Variants in ADARB2 observed in about 807,000 individuals in gnomAD.
ADARB2 encodes the protein inactive double-stranded RNA-specific editase B2.
Under a neutral mutation model 62.2 loss-of-function variants are expected in ADARB2, and 25 were observed. That is an observed-to-expected ratio of 0.40 (90% confidence interval 0.29 to 0.56). The LOEUF is 0.56. Among genes scored for constraint, ADARB2 ranks in the 20% least tolerant of loss-of-function variants. ADARB2 has a pLI of 0.43. For synonymous variants in ADARB2, 572 were observed against 500.8 expected (o/e 1.14, Z -1.90); for missense variants, 1,071 against 1,077.4 (o/e 0.99, Z 0.08).
chr10:1,717,098 G>A (rs980268262), intron 1 of ADARB2, among the ~76,000 whole-genome samples: 1 of 141,728 alleles, frequency 7.1e-6, no homozygotes, highest in Non-Finnish European at 1.5e-5. Context: ...TTCTGATCAC[G>A]TGTTTCACAA....
At chr10:1,219,445 C>T (rs1830661807) in intron 6 of ADARB2, among the ~76,000 whole-genome samples, 2 of 152,236 alleles carry the variant, frequency 1.3e-5, no homozygotes, top group Non-Finnish European at 2.9e-5. Flanking sequence ...AAGATCGCTG[C>T]ATTCTTTGGA....
intron 1 of ADARB2, among the ~76,000 whole-genome samples, chr10:1,676,858 G>C (rs927821513): frequency 1.3e-5 from 2 of 151,348 alleles, no homozygotes; most frequent in Non-Finnish European, 3.0e-5. Context: ...AGAGGATGGA[G>C]AGAAGGTGGG....
At chr10:1,289,427 G>A (rs1321785395) in intron 3 of ADARB2, among the ~76,000 whole-genome samples, 1 of 152,254 alleles carries the variant, frequency 6.6e-6, no homozygotes, top group Non-Finnish European at 1.5e-5. Flanking sequence ...AATTGGTTGA[G>A]GCTTGTCTCA....
chr10:1,393,102 C>G (rs1190806561), intron 1 of ADARB2, among the ~76,000 whole-genome samples: 1 of 152,178 alleles, frequency 6.6e-6, no homozygotes, highest in African/African-American at 2.4e-5. Flanking sequence ...TCATAGGGCT[C>G]AAAGCAGGGC....
rs565779516 is a variant in ADARB2 at position 1,360,734 on chromosome 10, G to A, written c.1077+2294C>T. ...GAGATGAATGGCCCGAAACCCTCGC[G>A]CTGCTCTGCGCCCTTCGTCATCCAG... On this transcript the variant is annotated intron_variant, in intron 3 of 9. Transcript: ENST00000381312. 8.5e-5 allele frequency among the ~76,000 whole-genome samples: 13 copies of A among 152,302 alleles called. No individual in the cohort carries two copies. In the South Asian group the frequency reaches 1.7e-3, roughly 19 times the overall value.
chr10:1,448,331 TG>T (rs1259259012), intron 1 of ADARB2, among the ~76,000 whole-genome samples: 6 of 152,328 alleles, frequency 3.9e-5, no homozygotes, highest in Middle Eastern at 3.4e-3. Context: ...AAATGTTAAG[TG>T]TCTACTCCAA....
At chr10:1,624,473 C>T (rs970698799) in intron 1 of ADARB2, among the ~76,000 whole-genome samples, 5 of 152,158 alleles carry the variant, frequency 3.3e-5, no homozygotes, top group Non-Finnish European at 5.9e-5. Flanking sequence ...GCCTCCCCAC[C>T]GGCTGGGGAC....
intron 3 of ADARB2, among the ~76,000 whole-genome samples, chr10:1,280,599 G>A (rs139647537): frequency 1.0e-3 from 132 of 132,548 alleles, no homozygotes; most frequent in African/African-American, 2.8e-3. Context: ...TGAAATTCCT[G>A]AGTGATGCTC....
At chr10:1,550,692 T>A (rs1315975749) in intron 1 of ADARB2, among the ~76,000 whole-genome samples, 1 of 152,158 alleles carries the variant, frequency 6.6e-6, no homozygotes, top group Non-Finnish European at 1.5e-5. Flanking sequence ...TTGGAATTTG[T>A]TAGGGTCGTG....
chr10:1,602,412 C>T (rs1290220163), intron 1 of ADARB2, among the ~76,000 whole-genome samples: 2 of 152,178 alleles, frequency 1.3e-5, no homozygotes, highest in East Asian at 3.9e-4. Flanking sequence ...GAATGGCTCC[C>T]GATGACAGGC....
At chr10:1,560,021 C>G (rs563009766) in intron 1 of ADARB2, among the ~76,000 whole-genome samples, 7 of 152,314 alleles carry the variant, frequency 4.6e-5, no homozygotes, top group Middle Eastern at 6.8e-3. Context: ...GTGTAAACAA[C>G]CTATTTTCAT....
chr10:1,363,667 C>T lies in ADARB2; in HGVS notation c.438G>A (p.Ser146=). ...LRPGLQYRTV[S]QTGPVHAPVF... is the part of the protein sequence containing the mutation. ...CCGGGGCATGCACCGGGCCCGTCTG[C>T]GACACTGTCCGGTACTGCAGGCCCG... The change falls in exon 3 of 10, where the codon TCG becomes TCA. Residue 146 remains serine, a synonymous_variant. Coordinates refer to ENST00000381312, the MANE Select transcript of ADARB2 (RefSeq NM_018702.4). 2 of 1,608,748 alleles carry T rather than the reference C, an allele frequency of 1.2e-6. No homozygotes were observed. Among genetic ancestry groups the T allele is most frequent in the East Asian group, 4.5e-5 (2 of 44,554 alleles).
At chr10:1,717,517 C>T (rs1213304429) in intron 1 of ADARB2, among the ~76,000 whole-genome samples, 2 of 148,016 alleles carry the variant, frequency 1.4e-5, no homozygotes, top group African/African-American at 5.0e-5. Context: ...CTTTCTCTCT[C>T]TCTTTCCTTT....
At chr10:1,452,739 G>A (rs1212300634) in intron 1 of ADARB2, among the ~76,000 whole-genome samples, 1 of 3,892 alleles carries the variant, frequency 2.6e-4, no homozygotes, top group Non-Finnish European at 0.011. Flanking sequence ...ACCATGGCAC[G>A]TGTATACTGT....
At chr10:1,292,947 A>AGAGGGAAGGAGAGAGAGAGGGAGAGG (rs1564248474) in intron 3 of ADARB2, 1 of 107,996 alleles carries the variant, frequency 9.3e-6, no homozygotes, top group South Asian at 3.5e-4. Context: ...TTCCATGGAG[A>AGAGGGAAGGAGAGAGAGAGGGAGAGG]GAGGGAAGGA....
chr10:1,316,340 G>C (rs1337371408), intron 3 of ADARB2, among the ~76,000 whole-genome samples: 2 of 152,250 alleles, frequency 1.3e-5, no homozygotes, highest in Non-Finnish European at 2.9e-5. Flanking sequence ...CTGAGTCCAG[G>C]CTCGCCTCAC....
chr10:1,372,410 T>A (rs1339863239), intron 2 of ADARB2, among the ~76,000 whole-genome samples: 1 of 152,118 alleles, frequency 6.6e-6, no homozygotes, highest in Non-Finnish European at 1.5e-5. Flanking sequence ...CCCACCAGGG[T>A]GCAGTATACC....
intron 1 of ADARB2, among the ~76,000 whole-genome samples, chr10:1,459,002 CA>C (rs1831133235): frequency 6.6e-6 from 1 of 152,128 alleles, no homozygotes; most frequent in African/African-American, 2.4e-5. Flanking sequence ...TACCATCTCA[CA>C]CAAGTCAGAA....
chr10:1,499,269 AC>A (rs61723703), intron 1 of ADARB2, among the ~76,000 whole-genome samples: 14,237 of 151,208 alleles, frequency 0.094, 1,115 homozygotes, highest in East Asian at 0.32. Context: ...CTCACTGCTC[AC>A]TCACACTCAC....
Sources: gnomAD v4.1 joint callset for allele counts (sites outside exome capture counted in the v4.1 genomes callset) on GRCh38, gnomAD v4.1.1 for gene constraint, MANE v1.5 for transcripts, NCBI Gene and HGNC (gene_info 2026-07-23, HGNC 2026-07-21) for gene names.